The following XPNPEP3 variants were observed in gnomAD, a reference collection of about 807,000 sequenced individuals.
XPNPEP3 encodes X-prolyl aminopeptidase 3.
Under a neutral mutation model 60.0 loss-of-function variants are expected in XPNPEP3, and 41 were observed. That is an observed-to-expected ratio of 0.68 (90% CI 0.53 to 0.89). XPNPEP3 has a LOEUF of 0.89. Ranked by LOEUF, XPNPEP3 falls within the 40% of genes least tolerant of loss-of-function variation. The pLI is 0.00. For synonymous variants in XPNPEP3, 212 were observed against 223.2 expected (o/e 0.95, Z 0.45); for missense variants, 598 against 638.9 (o/e 0.94, Z 0.69).
chr22:40,861,474 A>C, intron 1 of XPNPEP3: 2 of 1,614,210 alleles, frequency 1.2e-6, no homozygotes, highest in Non-Finnish European at 1.7e-6. Flanking sequence ...ATCAAAAGCC[A>C]GGGAAGAGAA....
intron 2 of XPNPEP3, among the ~76,000 whole-genome samples, chr22:40,875,760 T>C (rs1253937847): frequency 6.6e-6 from 1 of 151,036 alleles, no homozygotes; most frequent in African/African-American, 2.4e-5. Context: ...ACACCTATAA[T>C]CCCAGCACTT....
chr22:40,861,746 TTCA>T, intron 1 of XPNPEP3: 1 of 1,613,564 alleles, frequency 6.2e-7, no homozygotes, highest in Non-Finnish European at 8.5e-7. Context: ...CGTACTCACA[TTCA>T]TCATCAAAAT....
chr22:40,909,475 A>G (rs1177706457), intron 6 of XPNPEP3, among the ~76,000 whole-genome samples: 1 of 152,168 alleles, frequency 6.6e-6, no homozygotes, highest in African/African-American at 2.4e-5. Flanking sequence ...AAAAAATAAA[A>G]CAACATAGGC....
At chr22:40,863,284 G>T (rs1445444678) in intron 1 of XPNPEP3, among the ~76,000 whole-genome samples, 3 of 152,184 alleles carry the variant, frequency 2.0e-5, no homozygotes, top group African/African-American at 7.2e-5. Flanking sequence ...CAGACCAAAG[G>T]TGATTTTCTT....
At chr22:40,857,273 C>G (rs1406848048) in intron 1 of XPNPEP3, 28 bp downstream of exon 1, 1 of 1,613,350 alleles carries the variant, frequency 6.2e-7, no homozygotes, top group Admixed American at 1.7e-5. Flanking sequence ...CGGTCTCCTC[C>G]CATGGTGTCC....
At chr22:40,913,374 G>A (rs555373917) in intron 6 of XPNPEP3, among the ~76,000 whole-genome samples, 1 of 150,652 alleles carries the variant, frequency 6.6e-6, no homozygotes, top group Admixed American at 6.6e-5. Context: ...GGAGGTGGAG[G>A]TTGCAGTGAG....
intron 1 of XPNPEP3, among the ~76,000 whole-genome samples, chr22:40,857,897 A>G (rs1212713946): frequency 1.3e-5 from 2 of 152,230 alleles, no homozygotes; most frequent in Non-Finnish European, 2.9e-5. Flanking sequence ...GTGAACCAGA[A>G]CGTATGGTAT....
intron 4 of XPNPEP3, among the ~76,000 whole-genome samples, chr22:40,899,857 A>T (rs1601510147): frequency 6.7e-6 from 1 of 149,592 alleles, no homozygotes; most frequent in African/African-American, 2.5e-5. Flanking sequence ...TTGTACCCCT[A>T]CTTCACACCT....
In XPNPEP3 at chr22:40,861,209, G is replaced by A. The variant is rs35641204; in HGVS notation, c.64+3964G>A. On this transcript the variant is annotated intron_variant, in intron 1 of 9. Transcript: ENST00000357137. The stretch of plus-strand genomic sequence containing the variant: ...ATATACCTCCCTCATCATTGTCCAC[G>A]AAAGTATATTGAGATACATGTTTGG... 1,651 of 1,613,974 alleles carry A rather than the reference G, an allele frequency of 1.0e-3. 14 individuals carry two copies. In the African/African-American group the frequency reaches 0.02, roughly 19 times the overall value.
chr22:40,867,294 C>T (rs1053414329), intron 1 of XPNPEP3, among the ~76,000 whole-genome samples: 1 of 152,146 alleles, frequency 6.6e-6, no homozygotes, highest in Non-Finnish European at 1.5e-5. Context: ...ACTTCATAAT[C>T]TTTGCTCTTA....
intron 4 of XPNPEP3, among the ~76,000 whole-genome samples, chr22:40,906,253 A>T (rs2058155221): frequency 6.6e-6 from 1 of 151,932 alleles, no homozygotes; most frequent in Non-Finnish European, 1.5e-5. Context: ...AACATTAAAA[A>T]TTATGAAAAA....
At chr22:40,875,931 A>G (rs142837365) in intron 2 of XPNPEP3, among the ~76,000 whole-genome samples, 2,088 of 152,214 alleles carry the variant, frequency 0.014, 23 homozygotes, top group Non-Finnish European at 0.02. Context: ...GAGGCATGAG[A>G]ATCACTTGAA....
At chr22:40,894,022 A>C (rs1332821907) in intron 4 of XPNPEP3, among the ~76,000 whole-genome samples, 1 of 152,174 alleles carries the variant, frequency 6.6e-6, no homozygotes, top group East Asian at 1.9e-4. Flanking sequence ...AAAGAGGAGG[A>C]GAACGCCAGA....
intron 1 of XPNPEP3, chr22:40,861,206 C>T: frequency 6.2e-7 from 1 of 1,614,030 alleles, no homozygotes; most frequent in Non-Finnish European, 8.5e-7. Context: ...CATCATTGTC[C>T]ACGAAAGTAT....
rs73172899 is a variant in XPNPEP3 at position 40,870,526 on chromosome 22, A to G, written c.181+1411A>G. ...ATTTTGGACATTGGGGTAAGTGAGA[A>G]GGGATGGAAGTAGATGGAATTTTAA... On this transcript the variant is annotated intron_variant, in intron 2 of 9. Transcript: ENST00000357137. Among the ~76,000 whole-genome samples, 917 of 152,284 alleles carry G rather than the reference A, an allele frequency of 6.0e-3. 6 individuals carry two copies. Among genetic ancestry groups the G allele is most frequent in the Middle Eastern group, 0.031 (9 of 294 alleles).
At chr22:40,907,159 C>T (rs118098040) in intron 4 of XPNPEP3, 7,175 of 457,156 alleles carry the variant, frequency 0.016, 72 homozygotes, top group Non-Finnish European at 0.023. Context: ...CGGTGGCTCA[C>T]GCCTGTATTC....
chr22:40,873,074 T>G (rs894369042), intron 2 of XPNPEP3, among the ~76,000 whole-genome samples: 27 of 151,416 alleles, frequency 1.8e-4, no homozygotes, highest in African/African-American at 2.7e-4. Flanking sequence ...ACTTCATGGT[T>G]GTTTTCTTTT....
At chr22:40,908,780 A>G (rs2058165878) in intron 5 of XPNPEP3, among the ~76,000 whole-genome samples, 4 of 152,260 alleles carry the variant, frequency 2.6e-5, no homozygotes, top group Admixed American at 2.6e-4. Context: ...TAGTATTTCA[A>G]GGCTCAGCCT....
At chr22:40,901,454 C>CT (rs1179908501) in intron 4 of XPNPEP3, among the ~76,000 whole-genome samples, 3 of 152,060 alleles carry the variant, frequency 2.0e-5, no homozygotes, top group Admixed American at 1.3e-4. Flanking sequence ...AGGCTGGTCT[C>CT]TAACTCCCGA....
Sources: gnomAD v4.1 joint callset for allele counts (sites outside exome capture counted in the v4.1 genomes callset) on GRCh38, gnomAD v4.1.1 for gene constraint, MANE v1.5 for transcripts, NCBI Gene and HGNC (gene_info 2026-07-23, HGNC 2026-07-21) for gene names.